Variants in PKIB observed in about 807,000 individuals in gnomAD.
The protein encoded by PKIB is cAMP-dependent protein kinase inhibitor beta, also known as PKI-beta.
PKIB carries 2 observed loss-of-function variants against 4.5 expected under a neutral mutation model. The ratio of observed to expected loss-of-function variants is 0.44; its 90% CI spans 0.18 to 1.39. PKIB has a LOEUF of 1.39. Among genes scored for constraint, PKIB ranks in the 40% most tolerant of loss-of-function variants. The pLI is 0.27. For missense variants in PKIB, 94 were observed against 92.6 expected, an observed-to-expected ratio of 1.02 and a Z score of -0.06; for synonymous variants, 38 against 36.0, an observed-to-expected ratio of 1.06 and a Z score of -0.20.
At chr6:122,509,678 A>C (rs1446840864) in intron 2 of PKIB, among the ~76,000 whole-genome samples, 2 of 151,824 alleles carry the variant, frequency 1.3e-5, no homozygotes, top group Admixed American at 6.6e-5. Context: ...TGATCTGCCC[A>C]CCTCGGCCTC....
At chr6:122,605,371 G>C (rs372693676), upstream of PKIB, among the ~76,000 whole-genome samples, 1 of 152,198 alleles carries the variant, frequency 6.6e-6, no homozygotes, top group South Asian at 2.1e-4. Flanking sequence ...TTTTTAAAGA[G>C]AGTTCCATTT....
chr6:122,576,711 T>TA (rs1554221348), intron 2 of PKIB, among the ~76,000 whole-genome samples: 10 of 75,660 alleles, frequency 1.3e-4, no homozygotes, highest in African/African-American at 2.3e-4. Flanking sequence ...TATATATATA[T>TA]TTTCTTTTGT....
chr6:122,693,105 T>C (rs1384375671), intron 3 of PKIB, among the ~76,000 whole-genome samples: 2 of 152,202 alleles, frequency 1.3e-5, no homozygotes, highest in African/African-American at 4.8e-5. Context: ...TTTCCACAAC[T>C]GTAATTGGGG....
intron 2 of PKIB, among the ~76,000 whole-genome samples, chr6:122,555,035 A>C (rs1772796293): frequency 6.6e-6 from 1 of 152,206 alleles, no homozygotes; most frequent in Non-Finnish European, 1.5e-5. Context: ...CATGTTTATG[A>C]TGCTTCTTTT....
At chr6:122,707,293 T>C (rs1428062398) in intron 3 of PKIB, among the ~76,000 whole-genome samples, 1 of 152,128 alleles carries the variant, frequency 6.6e-6, no homozygotes, top group African/African-American at 2.4e-5. Flanking sequence ...TGCAACGTTA[T>C]AATGATTTCT....
intron 3 of PKIB, among the ~76,000 whole-genome samples, chr6:122,700,305 G>A (rs1778760077): frequency 6.7e-6 from 1 of 148,814 alleles, no homozygotes; most frequent in Admixed American, 6.7e-5. Context: ...TTTGGTGGTG[G>A]TGGGGTGGTG....
At chr6:122,623,155 C>G (rs1461585078) in intron 1 of PKIB, among the ~76,000 whole-genome samples, 1 of 152,180 alleles carries the variant, frequency 6.6e-6, no homozygotes, top group East Asian at 1.9e-4. Context: ...GAATTTGCCA[C>G]TAATATTTGA....
At chr6:122,616,059 G>A (rs1582740855) in intron 1 of PKIB, among the ~76,000 whole-genome samples, 3 of 152,280 alleles carry the variant, frequency 2.0e-5, no homozygotes, top group South Asian at 4.1e-4. Flanking sequence ...AACAAGCTCA[G>A]AAGATGCAGA....
intron 2 of PKIB, among the ~76,000 whole-genome samples, chr6:122,639,665 T>G (rs1348498870): frequency 6.6e-6 from 1 of 152,166 alleles, no homozygotes; most frequent in Admixed American, 6.5e-5. Flanking sequence ...TGCGCTAACT[T>G]TCTTCAATTA....
chr6:122,560,235 AG>A (rs1399284441), intron 2 of PKIB, among the ~76,000 whole-genome samples: 1 of 151,916 alleles, frequency 6.6e-6, no homozygotes, highest in Non-Finnish European at 1.5e-5. Context: ...GATTTTGCTG[AG>A]AATTTCAGTC....
In PKIB at chr6:122,687,383, T is replaced by C. The variant is rs181310872; in HGVS notation, c.-9+12239T>C. On this transcript the variant is annotated intron_variant, in intron 3 of 4. Coordinates refer to ENST00000368452, the MANE Select transcript of PKIB (RefSeq NM_181795.3). ...TGCTTACTGTAGCTCTGTAGTATAATTTGAAGTCAGGTCATGTGATTCCTC... is the reference window on the plus strand; with the variant it reads ...TGCTTACTGTAGCTCTGTAGTATAACTTGAAGTCAGGTCATGTGATTCCTC... Among the ~76,000 whole-genome samples the C allele has an allele frequency of 1.6e-4, 24 of 152,316 alleles. No homozygotes were observed. The East Asian group carries it at 4.2e-3, about 27-fold the overall frequency.
chr6:122,588,622 A>G (rs1773924433), intron 3 of PKIB, among the ~76,000 whole-genome samples: 2 of 152,184 alleles, frequency 1.3e-5, no homozygotes. Flanking sequence ...TTTTTAAAAA[A>G]TCACACATTT....
intron 2 of PKIB, among the ~76,000 whole-genome samples, chr6:122,662,662 T>C (rs1341769695): frequency 2.0e-5 from 3 of 152,142 alleles, no homozygotes; most frequent in Non-Finnish European, 4.4e-5. Context: ...TGGAGTAATA[T>C]CTTTTCCATG....
At chr6:122,554,946 G>A (rs1264909418) in intron 2 of PKIB, among the ~76,000 whole-genome samples, 5 of 152,178 alleles carry the variant, frequency 3.3e-5, no homozygotes, top group African/African-American at 9.7e-5. Context: ...AGCAAATTAA[G>A]GGGGGACAGA....
intron 2 of PKIB, among the ~76,000 whole-genome samples, chr6:122,582,817 G>A (rs1773741485): frequency 6.6e-6 from 1 of 151,930 alleles, no homozygotes; most frequent in Admixed American, 6.6e-5. Flanking sequence ...GTTCTCTTAT[G>A]TATCCCAAGA....
chr6:122,646,626 G>A (rs1166120134), intron 2 of PKIB, among the ~76,000 whole-genome samples: 3 of 152,084 alleles, frequency 2.0e-5, no homozygotes, highest in African/African-American at 4.8e-5. Flanking sequence ...GAAAAAATCC[G>A]TGTTTCTTTT....
chr6:122,538,676 C>A (rs1582684634), intron 2 of PKIB, among the ~76,000 whole-genome samples: 1 of 151,986 alleles, frequency 6.6e-6, no homozygotes, highest in African/African-American at 2.4e-5. Context: ...TTTTTTGGTT[C>A]CATATGAACT....
At chr6:122,625,385 G>A (rs1430647731) in intron 1 of PKIB, among the ~76,000 whole-genome samples, 5 of 152,096 alleles carry the variant, frequency 3.3e-5, no homozygotes, top group Non-Finnish European at 5.9e-5. Context: ...CCACAAAAGT[G>A]GGTCTGTGTT....
chr6:122,564,523 C>CAT (rs1773125006), intron 2 of PKIB, among the ~76,000 whole-genome samples: 2 of 151,922 alleles, frequency 1.3e-5, no homozygotes, highest in South Asian at 4.2e-4. Flanking sequence ...TAACCACCTA[C>CAT]AATATAACAT....
Sources: gnomAD v4.1 joint callset for allele counts (sites outside exome capture counted in the v4.1 genomes callset) on GRCh38, gnomAD v4.1.1 for gene constraint, MANE v1.5 for transcripts, NCBI Gene and HGNC (gene_info 2026-07-23, HGNC 2026-07-21) for gene names.